Variants in HMGA2 observed in about 807,000 individuals in gnomAD.
The protein encoded by HMGA2 is high mobility group protein HMGI-C.
HMGA2 carries 8 observed loss-of-function variants against 19.1 expected under a neutral mutation model. That is an observed-to-expected ratio of 0.42 (90% CI 0.25 to 0.76). The LOEUF (loss-of-function observed/expected upper bound fraction) is 0.76, where lower values mean the gene tolerates loss of function less well. Ranked by LOEUF, HMGA2 falls within the 30% of genes least tolerant of loss-of-function variation. HMGA2 has a pLI of 0.28. For synonymous variants in HMGA2, 60 were observed against 48.8 expected (o/e 1.23, Z -0.96); for missense variants, 109 against 136.3 (o/e 0.80, Z 1.00).
intron 2 of HMGA2, chr12:65,828,880 G>A (rs1419662989): frequency 1.3e-5 from 2 of 152,168 alleles, no homozygotes; most frequent in African/African-American, 4.8e-5. Flanking sequence ...GGTTGGCTGT[G>A]TTTAAGCTAG....
chr12:65,881,989 T>C (rs1280360628), intron 3 of HMGA2: 2 of 692,856 alleles, frequency 2.9e-6, no homozygotes, highest in Middle Eastern at 2.3e-4. Flanking sequence ...CTCCATCTCC[T>C]GTCCCTGGGC....
At chr12:65,945,745 T>C (rs894948911) in intron 3 of HMGA2, among the ~76,000 whole-genome samples, 1 of 152,226 alleles carries the variant, frequency 6.6e-6, no homozygotes, top group Non-Finnish European at 1.5e-5. Flanking sequence ...GAGCTGTGTC[T>C]ACTTATTCAA....
At chr12:65,840,357 C>T (rs1250401774) in intron 3 of HMGA2, among the ~76,000 whole-genome samples, 1 of 152,192 alleles carries the variant, frequency 6.6e-6, no homozygotes, top group Non-Finnish European at 1.5e-5. Flanking sequence ...ACTCAAGCAT[C>T]AGGGGATGAC....
rs943599498 is a variant in HMGA2, at chr12:65,964,361, A to C, written c.*1069A>C. The C allele has an allele frequency of 5.0e-5, 11 of 221,660 alleles. No individual in the cohort carries two copies. Among genetic ancestry groups the C allele is most frequent in the Non-Finnish European group, 8.0e-5 (9 of 112,006 alleles). 13.7% of individuals were successfully genotyped at this position (221,660 alleles called of 1,614,324 possible). A position where few individuals can be genotyped will look rare whatever the true frequency, so the allele number is the denominator to read the frequency against. ...TCTCTTCCTCTCCCTCTCTCTTTTC[A>C]TTGTGTATCAGTTTCCATGAAAGAC... On this transcript the variant is annotated 3_prime_UTR_variant, in exon 5 of 5. Transcript: ENST00000403681.
intron 3 of HMGA2, among the ~76,000 whole-genome samples, chr12:65,892,529 T>C (rs1192378365): frequency 6.6e-6 from 1 of 152,186 alleles, no homozygotes; most frequent in Non-Finnish European, 1.5e-5. Context: ...TCTTTTCTTT[T>C]TTTGCCTGAA....
At chr12:65,922,304 CA>C (rs1405325815) in intron 3 of HMGA2, among the ~76,000 whole-genome samples, 1 of 152,222 alleles carries the variant, frequency 6.6e-6, no homozygotes, top group African/African-American at 2.4e-5. Flanking sequence ...AGCAAAGCCA[CA>C]GGGGCGGAGC....
intron 3 of HMGA2, among the ~76,000 whole-genome samples, chr12:65,916,831 A>G (rs1875120218): frequency 6.6e-6 from 1 of 152,226 alleles, no homozygotes; most frequent in Admixed American, 6.5e-5. Flanking sequence ...AAAAGCGGAC[A>G]ATAAATAGAA....
chr12:65,886,284 C>A (rs1873650891), intron 3 of HMGA2, among the ~76,000 whole-genome samples: 1 of 151,988 alleles, frequency 6.6e-6, no homozygotes, highest in African/African-American at 2.4e-5. Context: ...TTCAAGCTCA[C>A]ATTTCACTTA....
At chr12:65,896,463 C>T (rs1321684475) in intron 3 of HMGA2, among the ~76,000 whole-genome samples, 1 of 152,218 alleles carries the variant, frequency 6.6e-6, no homozygotes, top group Non-Finnish European at 1.5e-5. Context: ...AACTGGGTAA[C>T]ATTACCAGAG....
intron 3 of HMGA2, among the ~76,000 whole-genome samples, chr12:65,851,966 T>G (rs1258816571): frequency 1.3e-5 from 2 of 152,154 alleles, no homozygotes; most frequent in East Asian, 1.9e-4. Context: ...CATATCTTCT[T>G]TGTCTTCCTG....
chr12:65,923,779 G>A (rs961038951), intron 3 of HMGA2, among the ~76,000 whole-genome samples: 1 of 152,154 alleles, frequency 6.6e-6, no homozygotes, highest in Non-Finnish European at 1.5e-5. Context: ...GGAGGCAGAG[G>A]CGAGTGGATC....
rs371770370 is a variant in HMGA2 at position 65,966,144 on chromosome 12, C to A, written c.*2852C>A. On this transcript the variant is annotated 3_prime_UTR_variant, in exon 5 of 5. Coordinates refer to ENST00000403681, the MANE Select transcript of HMGA2 (RefSeq NM_003483.6). ...TGCTGTCTATGATTGTACTTTGAAT[C>A]GCTTGCTTGTTGAAAATATTTCTCT... 1.4e-4 allele frequency: 29 copies of A among 208,146 alleles called. No individual in the cohort carries two copies. The highest frequency in any genetic ancestry group is 1.8e-4 in the Admixed American group (3 of 16,816). The allele number at this position is 208,146 out of a possible 1,614,324, so 12.9% of individuals were successfully genotyped here.
intron 3 of HMGA2, among the ~76,000 whole-genome samples, chr12:65,890,347 A>G (rs1287761981): frequency 6.6e-6 from 1 of 152,216 alleles, no homozygotes; most frequent in Non-Finnish European, 1.5e-5. Context: ...TGCTTGTTGG[A>G]TGAATGATGG....
intron 4 of HMGA2, chr12:65,952,812 C>G (rs1053971418): frequency 3.0e-4 from 52 of 171,904 alleles, no homozygotes; most frequent in African/African-American, 1.1e-3. Flanking sequence ...AGATTAATCA[C>G]TTTATGTGGT....
intron 3 of HMGA2, among the ~76,000 whole-genome samples, chr12:65,928,496 CAATA>C (rs1875594194): frequency 6.6e-6 from 1 of 152,090 alleles, no homozygotes; most frequent in African/African-American, 2.4e-5. Context: ...TTTCTTTCTT[CAATA>C]ATAAATTAAC....
At chr12:65,836,313 C>A (rs1033597170) in intron 2 of HMGA2, among the ~76,000 whole-genome samples, 1 of 151,086 alleles carries the variant, frequency 6.6e-6, no homozygotes, top group Non-Finnish European at 1.5e-5. Flanking sequence ...GAGCAGAGAC[C>A]GCGTCACTGC....
chr12:65,902,796 A>G (rs1874427826), intron 3 of HMGA2, among the ~76,000 whole-genome samples: 2 of 152,330 alleles, frequency 1.3e-5, no homozygotes, highest in Admixed American at 1.3e-4. Context: ...CTGATACTAC[A>G]GGATTTAATT....
intron 3 of HMGA2, among the ~76,000 whole-genome samples, chr12:65,864,919 T>A (rs1001523857): frequency 3.9e-5 from 6 of 152,326 alleles, no homozygotes; most frequent in Admixed American, 2.6e-4. Context: ...CAGATTTCTT[T>A]CAGTGAAAGT....
intron 3 of HMGA2, among the ~76,000 whole-genome samples, chr12:65,907,808 C>G (rs910500590): frequency 1.3e-5 from 2 of 152,176 alleles, no homozygotes; most frequent in African/African-American, 4.8e-5. Context: ...GATTAAGCAG[C>G]TGCACTGGAT....
Sources: allele counts gnomAD v4.1 joint callset (sites outside exome capture counted in the v4.1 genomes callset), GRCh38; gene constraint gnomAD v4.1.1; transcripts MANE v1.5; gene names NCBI Gene and HGNC (gene_info 2026-07-23, HGNC 2026-07-21).